Variants in GNPTAB observed in about 807,000 individuals in gnomAD.
The protein encoded by GNPTAB is N-acetylglucosamine-1-phosphotransferase subunits alpha/beta.
Under a neutral mutation model 136.6 loss-of-function variants are expected in GNPTAB, and 92 were observed. The ratio of observed to expected loss-of-function variants is 0.67; its 90% CI spans 0.57 to 0.80. The LOEUF (loss-of-function observed/expected upper bound fraction) is 0.80. GNPTAB is among the 30% of genes least tolerant of loss of function. The probability of loss-of-function intolerance (pLI) is 0.00; values close to 1 mark genes in which losing one functional copy is unlikely to be tolerated. For synonymous variants in GNPTAB, 512 were observed against 535.1 expected (o/e 0.96, Z 0.60); for missense variants, 1,343 against 1,501.8 (o/e 0.89, Z 1.75).
intron 4 of GNPTAB, among the ~76,000 whole-genome samples, chr12:101,788,162 A>G (rs1051743409): frequency 1.3e-5 from 2 of 152,220 alleles, no homozygotes; most frequent in Admixed American, 6.5e-5. Flanking sequence ...ATACAGCTTC[A>G]CAGCTTTTAA....
chr12:101,770,830 G>A (rs983829376), intron 8 of GNPTAB, among the ~76,000 whole-genome samples, 166 bp downstream of exon 8: 19 of 152,114 alleles, frequency 1.2e-4, no homozygotes, highest in African/African-American at 4.6e-4. Context: ...CTGATTCTAG[G>A]TGACTTCAGT....
intron 7 of GNPTAB, 22 bp from the exon 8 acceptor site, chr12:101,771,179 A>G: frequency 6.2e-7 from 1 of 1,604,304 alleles, no homozygotes; most frequent in Non-Finnish European, 8.5e-7. Context: ...CAAGAGGATT[A>G]CACATGAAAA....
intron 16 of GNPTAB, among the ~76,000 whole-genome samples, chr12:101,759,249 G>C (rs1306215766): frequency 6.6e-6 from 1 of 151,688 alleles, no homozygotes; most frequent in Non-Finnish European, 1.5e-5. Flanking sequence ...TGTAGTCCCA[G>C]CTACTCAGGA....
rs1953157357 is a variant in GNPTAB at position 101,770,600 on chromosome 12, T to G, written c.934-15A>C. 1 of 1,598,962 alleles carries G rather than the reference T, an allele frequency of 6.3e-7. No homozygotes were observed. The highest frequency in any genetic ancestry group is 2.2e-5 in the East Asian group (1 of 44,796). On this transcript the variant is annotated splice_polypyrimidine_tract_variant and intron_variant, in intron 8 of 20. Transcript: ENST00000299314. ...TCCTGCTTAGACTGAGAAAAACACT[T>G]GGCATATGAAGATGTGAAATACCCC... is the stretch of plus-strand genomic sequence containing the variant.
chr12:101,780,890 C>T (rs1291911221), intron 5 of GNPTAB, among the ~76,000 whole-genome samples: 2 of 151,876 alleles, frequency 1.3e-5, no homozygotes, highest in Non-Finnish European at 2.9e-5. Flanking sequence ...AGCTAGAATG[C>T]GAAGACAGAA....
intron 1 of GNPTAB, among the ~76,000 whole-genome samples, chr12:101,799,037 GAATCATTGTTTTTTAA>G (rs76103618): frequency 0.11 from 16,699 of 151,860 alleles, 969 homozygotes; most frequent in Middle Eastern, 0.2. Flanking sequence ...ATTTAGCTAA[GAATCATTGTTTTTTAA>G]AAAAAAAGGC....
Position 101,819,051 on chromosome 12 carries a change from G to A in GNPTAB, c.117+11508C>T, listed in dbSNP as rs372049734. ...TTTGAGACAGAGTCTCGCTCTTGTC[G>A]CCCAGGCTGGAGTGCAATGACACGA... On this transcript the variant is annotated intron_variant, in intron 1 of 20. Transcript: ENST00000299314. Among the ~76,000 whole-genome samples the A allele has an allele frequency of 2.9e-3, 432 of 150,310 alleles. 5 individuals are homozygous for A. The highest frequency in any genetic ancestry group is 9.5e-3 in the African/African-American group (388 of 40,748).
intron 1 of GNPTAB, among the ~76,000 whole-genome samples, chr12:101,812,988 T>TG (rs1566098034): frequency 3.0e-4 from 26 of 87,648 alleles, no homozygotes; most frequent in Non-Finnish European, 4.6e-4. Flanking sequence ...TTGTGTGTGT[T>TG]TTTTTTTTTT....
intron 1 of GNPTAB, among the ~76,000 whole-genome samples, chr12:101,827,983 C>A (rs922246909): frequency 4.6e-5 from 7 of 152,014 alleles, no homozygotes; most frequent in African/African-American, 1.7e-4. Context: ...ACAAAAAAAA[C>A]AATGATCTTC....
At chr12:101,821,515 A>G (rs992936199) in intron 1 of GNPTAB, among the ~76,000 whole-genome samples, 1 of 152,210 alleles carries the variant, frequency 6.6e-6, no homozygotes, top group African/African-American at 2.4e-5. Flanking sequence ...ACCACATTCC[A>G]AAGTGAAGTG....
At position 101,787,084 on chromosome 12, in the gene GNPTAB, A is replaced by G. The variant is rs11111023; in HGVS notation, c.366-867T>C. On this transcript the variant is annotated intron_variant, in intron 4 of 20. Transcript: ENST00000299314. The stretch of plus-strand genomic sequence containing the variant: ...TATATACTTATTCAGAACCATAAAA[A>G]CATACATAAGCTTCGTCCTCAGTAA... Among the ~76,000 whole-genome samples, 164 of 152,334 alleles carry G rather than the reference A, an allele frequency of 1.1e-3. 2 individuals are homozygous for G. The East Asian group carries it at 0.029, about 27-fold the overall frequency.
rs756270816 is a variant in GNPTAB, at chr12:101,773,363, G to A, written c.772-2206C>T. On this transcript the variant is annotated intron_variant, in intron 7 of 20. Coordinates refer to ENST00000299314, the MANE Select transcript of GNPTAB (RefSeq NM_024312.5). ...CATTTCCTTGGTATGCAGAATGCTCGGATCCTGCTTATACATTTTCACGAA... is the reference window on the plus strand; with the variant it reads ...CATTTCCTTGGTATGCAGAATGCTCAGATCCTGCTTATACATTTTCACGAA... 84 of 301,924 alleles carry A rather than the reference G, an allele frequency of 2.8e-4. No homozygotes were observed. In the Middle Eastern group the frequency reaches 0.01, roughly 36 times the overall value. 18.7% of individuals were successfully genotyped at this position (301,924 alleles called of 1,614,324 possible). A position where few individuals can be genotyped will look rare whatever the true frequency, so the allele number is the denominator to read the frequency against.
intron 5 of GNPTAB, among the ~76,000 whole-genome samples, chr12:101,782,061 C>T (rs1418390701): frequency 6.6e-6 from 1 of 152,192 alleles, no homozygotes; most frequent in African/African-American, 2.4e-5. Flanking sequence ...GCTGAACCCT[C>T]TATCAATGTT....
Position 101,770,115 on chromosome 12 carries a change from C to T in GNPTAB, c.1190G>A (p.Gly397Glu). 6.2e-7 allele frequency: 1 copy of T among 1,614,080 alleles called. No homozygotes were observed. ...AIESHIHRIE[G>E]LSQKFIYLND... ...TAGGTAAATAAACTTCTGGGACAGC[C>T]CTTCGATGCGATGAATGTGACTTTC... Residue 397 changes from glycine (G) to glutamate (E), a missense_variant, in exon 10 of 21, where the codon GGG (glycine) becomes GAG (glutamate). By Grantham distance (98) the Gly-to-Glu change is moderately conservative (BLOSUM62 -2). Coordinates refer to ENST00000299314, the MANE Select transcript of GNPTAB (RefSeq NM_024312.5).
intron 1 of GNPTAB, among the ~76,000 whole-genome samples, chr12:101,799,263 G>C (rs1869475019): frequency 6.6e-6 from 1 of 152,190 alleles, no homozygotes; most frequent in South Asian, 2.1e-4. Flanking sequence ...AGGGTCTAAA[G>C]CAGGAGAATG....
chr12:101,765,399 T>TA (rs1288574253), intron 12 of GNPTAB, 95 bp from the exon 13 acceptor site: 18 of 861,716 alleles, frequency 2.1e-5, no homozygotes, highest in Non-Finnish European at 2.7e-5. Flanking sequence ...CACTTTCTTT[T>TA]AAAAAAAATA....
intron 1 of GNPTAB, among the ~76,000 whole-genome samples, chr12:101,802,142 G>A (rs895685017): frequency 1.7e-4 from 25 of 146,422 alleles, no homozygotes; most frequent in Admixed American, 1.4e-4. Flanking sequence ...AGGCTGAAGT[G>A]AGCCATGATT....
chr12:101,796,745 G>A lies in GNPTAB; in HGVS notation c.135C>T (p.Ser45=). The change falls in exon 2 of 21, where the codon AGC becomes AGT. Residue 45 remains serine (S), a synonymous_variant. Transcript: ENST00000299314. The part of the protein sequence containing the change: ...FQFGEVVLEW[S]RDQYHVLFDS... ...CAAACAAAACATGGTATTGATCTCG[G>A]CTCCATTCCAGAACCACCTAGAACA... 1 of 1,611,686 alleles carries A rather than the reference G, an allele frequency of 6.2e-7. No individual in the cohort carries two copies. Among genetic ancestry groups the A allele is most frequent in the Non-Finnish European group, 8.5e-7 (1 of 1,178,350 alleles).
At position 101,764,304 on chromosome 12, in the gene GNPTAB, G is replaced by A. The variant is rs761030611; in HGVS notation, c.2613C>T (p.Gly871=). The change falls in exon 13 of 21, where the codon GGC becomes GGT. Residue 871 remains glycine, a synonymous_variant. Coordinates refer to ENST00000299314, the MANE Select transcript of GNPTAB (RefSeq NM_024312.5). The part of the protein sequence containing the change: ...RMEENAENHI[G]VTEVLLGRKL... ...TTCTTCCAAGTAACACTTCAGTAAC[G>A]CCTATGTGATTTTCAGCATTTTCCT... 2.2e-5 allele frequency: 36 copies of A among 1,613,886 alleles called. 1 individual carries two copies. Among genetic ancestry groups the A allele is most frequent in the South Asian group, 1.5e-4 (14 of 91,060 alleles).
Sources: allele counts gnomAD v4.1 joint callset (sites outside exome capture counted in the v4.1 genomes callset), GRCh38; gene constraint gnomAD v4.1.1; transcripts MANE v1.5; gene names NCBI Gene and HGNC (gene_info 2026-07-23, HGNC 2026-07-21).